ENTREP2: variants seen among roughly 807,000 people sequenced by gnomAD.
ENTREP2 encodes endosomal transmembrane epsin interactor 2.
chr15:29,306,724 C>T, the ENTREP2 span, among the ~76,000 whole-genome samples: 38 of 107,128 alleles, frequency 3.5e-4, no homozygotes, highest in Middle Eastern at 0.029. Flanking sequence ...GAGTCTTGCT[C>T]TGCCACCCAG....
At chr15:29,161,074 C>G in the ENTREP2 span, among the ~76,000 whole-genome samples, 3 of 152,144 alleles carry the variant, frequency 2.0e-5, no homozygotes, top group South Asian at 6.2e-4. Flanking sequence ...GGTCATGGAC[C>G]TGACGTTCCG....
At chr15:29,500,288 A>G in the ENTREP2 span, among the ~76,000 whole-genome samples, 5 of 152,158 alleles carry the variant, frequency 3.3e-5, no homozygotes, top group Admixed American at 2.6e-4. Flanking sequence ...GCAGCAGAAT[A>G]CACATTCTTC....
chr15:29,518,262 A>G, the ENTREP2 span, among the ~76,000 whole-genome samples: 28 of 152,232 alleles, frequency 1.8e-4, 1 homozygote, highest in East Asian at 5.4e-3. Context: ...CAAGTCCACA[A>G]CACAGCATTC....
the ENTREP2 span, among the ~76,000 whole-genome samples, chr15:29,294,872 T>A: frequency 6.6e-6 from 1 of 152,216 alleles, no homozygotes; most frequent in East Asian, 1.9e-4. Flanking sequence ...CAATTTGGCA[T>A]CTTGGAAAGT....
the ENTREP2 span, among the ~76,000 whole-genome samples, chr15:29,393,691 TA>T: frequency 1.3e-5 from 2 of 152,332 alleles, no homozygotes; most frequent in Non-Finnish European, 2.9e-5. Flanking sequence ...CTGGTGTTTT[TA>T]TTGGTCCCAT....
At chr15:29,135,173 A>G in the ENTREP2 span, among the ~76,000 whole-genome samples, 1 of 148,330 alleles carries the variant, frequency 6.7e-6, no homozygotes, top group East Asian at 2.0e-4. The surrounding 1 kb of genome is among the most constrained non-coding windows in gnomAD (Gnocchi z 7.4). Flanking sequence ...CTCTGCTCCA[A>G]CTCACTGCTG....
chr15:29,653,269 G>C, the ENTREP2 span, among the ~76,000 whole-genome samples: 2 of 152,202 alleles, frequency 1.3e-5, no homozygotes, highest in African/African-American at 4.8e-5. Context: ...GATCATCAGA[G>C]TAAGACCCAA....
the ENTREP2 span, among the ~76,000 whole-genome samples, chr15:29,187,826 T>C: frequency 6.6e-6 from 1 of 152,218 alleles, no homozygotes; most frequent in Non-Finnish European, 1.5e-5. Context: ...GTCAGGCTGG[T>C]GACCACAGAC....
At chr15:29,586,416 A>T in the ENTREP2 span, among the ~76,000 whole-genome samples, 1 of 152,218 alleles carries the variant, frequency 6.6e-6, no homozygotes, top group Non-Finnish European at 1.5e-5. Context: ...GACTATACTA[A>T]AAAACAATGA....
the ENTREP2 span, chr15:29,613,222 C>G: frequency 6.1e-6 from 1 of 165,010 alleles, no homozygotes; most frequent in Non-Finnish European, 1.3e-5. Context: ...AAAAGCGTTT[C>G]TTTTCTGAAA....
the ENTREP2 span, among the ~76,000 whole-genome samples, chr15:29,497,655 T>C: frequency 2.0e-5 from 3 of 152,124 alleles, no homozygotes; most frequent in African/African-American, 7.2e-5. Flanking sequence ...TCATTTCTGA[T>C]TTTATTTTAG....
chr15:29,459,477 G>T, the ENTREP2 span, among the ~76,000 whole-genome samples: 2 of 152,180 alleles, frequency 1.3e-5, no homozygotes, highest in Non-Finnish European at 2.9e-5. Flanking sequence ...CACCCTTACT[G>T]TAAGAGGTCC....
At chr15:29,196,147 C>T in the ENTREP2 span, among the ~76,000 whole-genome samples, 2 of 152,160 alleles carry the variant, frequency 1.3e-5, no homozygotes, top group African/African-American at 4.8e-5. Context: ...ATGATCCCAT[C>T]ATCATTTGTA....
At chr15:29,594,360 C>A in the ENTREP2 span, among the ~76,000 whole-genome samples, 3 of 152,160 alleles carry the variant, frequency 2.0e-5, no homozygotes, top group South Asian at 6.2e-4. Flanking sequence ...AGTTTCCTAG[C>A]GTGTAGGAGC....
At chr15:29,356,557 G>A in the ENTREP2 span, among the ~76,000 whole-genome samples, 2 of 151,472 alleles carry the variant, frequency 1.3e-5, no homozygotes, top group Admixed American at 1.3e-4. Flanking sequence ...CGCCCGCCTC[G>A]GCCTCCCAAA....
chr15:29,406,002 TCTCCTCTAA>T, the ENTREP2 span, among the ~76,000 whole-genome samples: 1 of 152,202 alleles, frequency 6.6e-6, no homozygotes, highest in East Asian at 1.9e-4. Flanking sequence ...TCACACGGCT[TCTCCTCTAA>T]CTCCTGTTAA....
At chr15:29,599,868 G>A in the ENTREP2 span, among the ~76,000 whole-genome samples, 4 of 152,290 alleles carry the variant, frequency 2.6e-5, no homozygotes, top group East Asian at 3.9e-4. Flanking sequence ...TCCAAGAGCC[G>A]AGCAGCAGCC....
At chr15:29,167,961 G>GTA in the ENTREP2 span, among the ~76,000 whole-genome samples, 5 of 152,018 alleles carry the variant, frequency 3.3e-5, no homozygotes, top group East Asian at 1.9e-4. Flanking sequence ...AGGAACGGTG[G>GTA]TATATATATA....
the ENTREP2 span, among the ~76,000 whole-genome samples, chr15:29,316,211 C>G: frequency 6.6e-6 from 1 of 152,100 alleles, no homozygotes; most frequent in Admixed American, 6.6e-5. Context: ...GCCTTAACCA[C>G]AGAGAGCGGT....
Sources: gnomAD v4.1 joint callset for allele counts (sites outside exome capture counted in the v4.1 genomes callset) on GRCh38, gnomAD v4.1.1 for gene constraint, Gnocchi (gnomAD v3.1) non-coding constraint, MANE v1.5 for transcripts, NCBI Gene and HGNC (gene_info 2026-07-23, HGNC 2026-07-21) for gene names.